Variants in MYO1E observed in about 807,000 individuals in gnomAD.
MYO1E encodes the protein myosin IE, also known as unconventional myosin-Ie.
Under a neutral mutation model 151.1 loss-of-function variants are expected in MYO1E, and 68 were observed. The ratio of observed to expected loss-of-function variants is 0.45; its 90% CI spans 0.37 to 0.55. MYO1E has a LOEUF of 0.55. MYO1E is among the 20% of genes least tolerant of loss of function. The probability of loss-of-function intolerance (pLI) is 0.00; values close to 1 mark genes in which losing one functional copy is unlikely to be tolerated. For missense variants in MYO1E, 1,363 were observed against 1,389.3 expected, an observed-to-expected ratio of 0.98 and a Z score of 0.30; for synonymous variants, 601 against 501.7, an observed-to-expected ratio of 1.20 and a Z score of -2.64.
chr15:59,314,340 G>C (rs563083978), intron 1 of MYO1E, among the ~76,000 whole-genome samples: 1 of 152,336 alleles, frequency 6.6e-6, no homozygotes, highest in East Asian at 1.9e-4. Context: ...AGTGAAGATT[G>C]TTATACTATT....
intron 1 of MYO1E, among the ~76,000 whole-genome samples, chr15:59,362,495 C>T (rs1291967211): frequency 6.6e-6 from 1 of 152,198 alleles, no homozygotes; most frequent in Admixed American, 6.5e-5. Flanking sequence ...TTCTCCCATC[C>T]AAATGTTAGG....
At chr15:59,184,078 G>C (rs927710668) in intron 18 of MYO1E, among the ~76,000 whole-genome samples, 1 of 152,100 alleles carries the variant, frequency 6.6e-6, no homozygotes, top group East Asian at 1.9e-4. Context: ...GCGTAATCTC[G>C]GCTCACTGCA....
chr15:59,230,681 G>A (rs2080022746), intron 6 of MYO1E, among the ~76,000 whole-genome samples: 1 of 152,148 alleles, frequency 6.6e-6, no homozygotes, highest in Admixed American at 6.5e-5. Flanking sequence ...GAAAGTAAGG[G>A]CAAGTCTAAC....
intron 1 of MYO1E, among the ~76,000 whole-genome samples, chr15:59,282,762 C>T (rs1039471845): frequency 2.7e-5 from 4 of 148,404 alleles, no homozygotes; most frequent in East Asian, 2.0e-4. Context: ...GCAGGAGGAT[C>T]GCTTAAGCTC....
intron 1 of MYO1E, among the ~76,000 whole-genome samples, chr15:59,285,932 A>T (rs1313230862): frequency 6.6e-6 from 1 of 152,218 alleles, no homozygotes; most frequent in Non-Finnish European, 1.5e-5. Context: ...TTTGAAAATG[A>T]TAGTCTCTGA....
chr15:59,333,494 C>T (rs1192414256), intron 1 of MYO1E, among the ~76,000 whole-genome samples: 3 of 152,176 alleles, frequency 2.0e-5, no homozygotes, highest in Non-Finnish European at 4.4e-5. Context: ...CCTCCTGTCT[C>T]GGCCTCCCAA....
At chr15:59,161,366 G>A in intron 23 of MYO1E, 136 bp from the exon 24 acceptor site, 4 of 1,018,720 alleles carry the variant, frequency 3.9e-6, no homozygotes, top group Non-Finnish European at 5.6e-6. Flanking sequence ...CAGGAGCAGG[G>A]CCCTGAGGAT....
chr15:59,235,556 C>T (rs1273144127), intron 5 of MYO1E, among the ~76,000 whole-genome samples: 1 of 152,196 alleles, frequency 6.6e-6, no homozygotes, highest in Non-Finnish European at 1.5e-5. Context: ...TAAAGAACCA[C>T]AAATTATTTC....
At chr15:59,173,597 G>T in intron 21 of MYO1E, 149 bp downstream of exon 21, 2 of 830,652 alleles carry the variant, frequency 2.4e-6, no homozygotes, top group Non-Finnish European at 2.0e-6. Flanking sequence ...GGGCATAGGT[G>T]CCTGTTTATC....
At chr15:59,325,584 T>C (rs1567015343) in intron 1 of MYO1E, among the ~76,000 whole-genome samples, 1 of 152,238 alleles carries the variant, frequency 6.6e-6, no homozygotes, top group Non-Finnish European at 1.5e-5. Flanking sequence ...AACACTAAAA[T>C]GTATACATGT....
chr15:59,253,923 A>C (rs1441400664), intron 4 of MYO1E, among the ~76,000 whole-genome samples: 1 of 141,330 alleles, frequency 7.1e-6, no homozygotes, highest in East Asian at 1.9e-4. Context: ...TTTTTAACAA[A>C]GCCAAGAAAA....
intron 1 of MYO1E, among the ~76,000 whole-genome samples, chr15:59,281,060 C>A (rs1382505128): frequency 6.6e-6 from 1 of 152,178 alleles, no homozygotes; most frequent in African/African-American, 2.4e-5. Context: ...CACCCATCAC[C>A]AGACCACAGC....
intron 10 of MYO1E, among the ~76,000 whole-genome samples, chr15:59,216,567 T>C (rs1463435719): frequency 2.9e-5 from 2 of 69,936 alleles, no homozygotes; most frequent in African/African-American, 8.8e-5. Flanking sequence ...TATATTCATA[T>C]ATAAGAGTTT....
intron 4 of MYO1E, among the ~76,000 whole-genome samples, chr15:59,247,056 C>T (rs1728147743): frequency 6.6e-6 from 1 of 152,134 alleles, no homozygotes; most frequent in African/African-American, 2.4e-5. Context: ...ATTAGCCAGG[C>T]ATGATGGTGC....
intron 26 of MYO1E, 105 bp downstream of exon 26, chr15:59,153,485 C>G (rs1206596300): frequency 7.7e-7 from 1 of 1,304,916 alleles, no homozygotes; most frequent in Non-Finnish European, 1.1e-6. Context: ...GAAAACTAAA[C>G]CTTAGAATCC....
At chr15:59,151,285 C>T in intron 26 of MYO1E, among the ~76,000 whole-genome samples, 1 of 151,830 alleles carries the variant, frequency 6.6e-6, no homozygotes, top group Non-Finnish European at 1.5e-5. Flanking sequence ...AAAAAATTAG[C>T]TGGGTGTGGT....
intron 1 of MYO1E, among the ~76,000 whole-genome samples, chr15:59,314,167 C>G (rs1442579393): frequency 6.6e-6 from 1 of 152,200 alleles, no homozygotes; most frequent in East Asian, 1.9e-4. Context: ...GCTCCAGAAT[C>G]CTTTCTCTAC....
In MYO1E at chr15:59,159,104, A is replaced by G. The variant is rs1447089297; in HGVS notation, c.2786-725T>C. On this transcript the variant is annotated intron_variant, in intron 24 of 27. Coordinates refer to ENST00000288235, the MANE Select transcript of MYO1E (RefSeq NM_004998.4). The surrounding 1 kb of genome is among the most constrained non-coding windows in gnomAD (Gnocchi z 4.4). ...GAGGGGTGCAGAGGGAATTTCTTATAAAGAGAAGAGCTGAAGAATAGAGAA... is the reference window on the plus strand; with the variant it reads ...GAGGGGTGCAGAGGGAATTTCTTATGAAGAGAAGAGCTGAAGAATAGAGAA... Among the ~76,000 whole-genome samples, 1 of 152,234 alleles carries G rather than the reference A, an allele frequency of 6.6e-6. No individual in the cohort carries two copies. Among genetic ancestry groups the G allele is most frequent in the Non-Finnish European group, 1.5e-5 (1 of 68,034 alleles).
At chr15:59,332,139 CTG>C (rs1338694893) in intron 1 of MYO1E, among the ~76,000 whole-genome samples, 1 of 152,212 alleles carries the variant, frequency 6.6e-6, no homozygotes, top group Non-Finnish European at 1.5e-5. Context: ...TAAAACAACT[CTG>C]TGAGTAGAAA....
Sources: gnomAD v4.1 joint callset for allele counts (sites outside exome capture counted in the v4.1 genomes callset) on GRCh38, gnomAD v4.1.1 for gene constraint, Gnocchi (gnomAD v3.1) non-coding constraint, MANE v1.5 for transcripts, NCBI Gene and HGNC (gene_info 2026-07-23, HGNC 2026-07-21) for gene names.